The following CDC16 variants were observed in gnomAD, a reference collection of about 807,000 sequenced individuals.
The protein encoded by CDC16 is cell division cycle protein 16 homolog.
A neutral mutation model predicts 87.0 loss-of-function variants in CDC16; 34 were observed. That is an observed-to-expected ratio of 0.39 (90% CI 0.30 to 0.52). CDC16 has a LOEUF of 0.52. CDC16 is among the 20% of genes least tolerant of loss of function. The pLI is 0.74. For missense variants in CDC16, 653 were observed against 751.9 expected, an observed-to-expected ratio of 0.87 and a Z score of 1.54; for synonymous variants, 263 against 260.6, an observed-to-expected ratio of 1.01 and a Z score of -0.09.
chr13:114,258,426 A>G (rs2082640151), intron 13 of CDC16, among the ~76,000 whole-genome samples: 1 of 152,154 alleles, frequency 6.6e-6, no homozygotes, highest in Non-Finnish European at 1.5e-5. Flanking sequence ...CTTGTGGTCT[A>G]TTTAGTGCCA....
At position 114,272,244 on chromosome 13, in the gene CDC16, TAAA is replaced by T. The variant is rs2139251388; in HGVS notation, c.1668_1670del (p.Lys556del). On this transcript the variant is annotated inframe_deletion, in exon 18 of 18. Transcript: ENST00000356221. ...TTTGATGTGCATACAATGAAGACACTAAAAAACATTATTTCACCTCCGTGGGAT... is the reference window on the plus strand; with the variant it reads ...TTTGATGTGCATACAATGAAGACACTAAACATTATTTCACCTCCGTGGGAT... 1 of 1,611,098 alleles carries T rather than the reference TAAA, an allele frequency of 6.2e-7. No homozygotes were observed. Among genetic ancestry groups the T allele is most frequent in the Non-Finnish European group, 8.5e-7 (1 of 1,177,490 alleles).
chr13:114,256,371 TTTGAG>T (rs2082497309), intron 12 of CDC16, among the ~76,000 whole-genome samples: 1 of 152,220 alleles, frequency 6.6e-6, no homozygotes, highest in East Asian at 1.9e-4. Flanking sequence ...ATAATCTTAA[TTTGAG>T]TTATGACTCT....
intron 3 of CDC16, among the ~76,000 whole-genome samples, chr13:114,237,922 A>G (rs2081334962): frequency 6.6e-6 from 1 of 152,170 alleles, no homozygotes; most frequent in Admixed American, 6.5e-5. Flanking sequence ...TCATTCAGTG[A>G]CTTCCCATTA....
In CDC16 at chr13:114,246,060, T is replaced by A; in HGVS notation, c.897+11T>A. ...TATCCTAGTAATCCTGTAAGTAATA[T>A]AACTTTTAGTCTTAGTTTTTTTTTT... On this transcript the variant is annotated intron_variant, in intron 10 of 17. Transcript: ENST00000356221. The A allele has an allele frequency of 7.7e-7, 1 of 1,300,264 alleles. No homozygotes were observed. Among genetic ancestry groups the A allele is most frequent in the Non-Finnish European group, 1.1e-6 (1 of 929,220 alleles). 80.5% of individuals were successfully genotyped at this position (1,300,264 alleles called of 1,614,324 possible). A position where few individuals can be genotyped will look rare whatever the true frequency, so the allele number is the denominator to read the frequency against.
chr13:114,243,444 CT>C, intron 7 of CDC16, 96 bp downstream of exon 7: 1 of 617,856 alleles, frequency 1.6e-6, no homozygotes, highest in Non-Finnish European at 2.9e-6. Context: ...AAAATTAAAA[CT>C]TTTTAAATTT....
At chr13:114,237,955 A>G (rs1016637927) in intron 3 of CDC16, among the ~76,000 whole-genome samples, 3 of 152,222 alleles carry the variant, frequency 2.0e-5, no homozygotes, top group African/African-American at 7.2e-5. Context: ...AGTCAGATGC[A>G]TCAGTAGGTC....
At chr13:114,244,784 C>A (rs781731309) in intron 8 of CDC16, 106 bp from the exon 9 acceptor site, 9 of 623,666 alleles carry the variant, frequency 1.4e-5, no homozygotes, top group South Asian at 4.6e-5. Context: ...TGTTACAACC[C>A]ACAGCATCAT....
At chr13:114,242,367 A>G (rs1021839363) in intron 6 of CDC16, 87 bp downstream of exon 6, 48 of 1,204,442 alleles carry the variant, frequency 4.0e-5, no homozygotes, top group Non-Finnish European at 5.8e-5. Context: ...TAAGTCAACA[A>G]CAGGCCACAT....
Position 114,236,972 on chromosome 13 carries a change from A to G in CDC16, c.201+76A>G, listed in dbSNP as rs772711052. On this transcript the variant is annotated intron_variant, in intron 3 of 17. Transcript: ENST00000356221. ...CATTAGTGGCCGGGCGCGGTGGCTT[A>G]CACCTGTAATCCCAGCGCTTTGGAA... 1.4e-4 allele frequency: 131 copies of G among 919,220 alleles called. No individual in the cohort carries two copies. In the African/African-American group the frequency reaches 1.9e-3, roughly 14 times the overall value. The allele number at this position is 919,220 out of a possible 1,614,324, so 56.9% of individuals were successfully genotyped here. A position where few individuals can be genotyped will look rare whatever the true frequency, so the allele number is the denominator to read the frequency against.
chr13:114,247,569 A>G (rs938270352), intron 11 of CDC16, among the ~76,000 whole-genome samples: 12 of 152,048 alleles, frequency 7.9e-5, no homozygotes, highest in African/African-American at 2.2e-4. Flanking sequence ...GGGAACCTAC[A>G]TATTTTATTT....
intron 12 of CDC16, among the ~76,000 whole-genome samples, chr13:114,250,970 T>C (rs1814036384): frequency 6.6e-6 from 1 of 152,152 alleles, no homozygotes; most frequent in African/African-American, 2.4e-5. Context: ...AGAATAAAAA[T>C]ATTCACGAGC....
At chr13:114,259,305 A>G in intron 13 of CDC16, 30 bp from the exon 14 acceptor site, 1 of 1,539,480 alleles carries the variant, frequency 6.5e-7, no homozygotes, top group South Asian at 1.2e-5. Context: ...AATTTCGAAT[A>G]ATCTGCAACC....
chr13:114,241,585 T>C (rs1306062044), intron 5 of CDC16, among the ~76,000 whole-genome samples: 1 of 152,226 alleles, frequency 6.6e-6, no homozygotes, highest in African/African-American at 2.4e-5. Flanking sequence ...GTACTTTTGT[T>C]ATAAAGATGT....
At chr13:114,267,333 A>G (rs550008588) in intron 17 of CDC16, among the ~76,000 whole-genome samples, 57 of 136,222 alleles carry the variant, frequency 4.2e-4, no homozygotes, top group Admixed American at 6.3e-4. Flanking sequence ...ACTAAAAAAC[A>G]AAACAATACA....
Position 114,243,944 on chromosome 13 carries a change from A to T in CDC16, c.722A>T (p.His241Leu). The change falls in exon 8 of 18, where the codon CAT becomes CTT. Residue 241 changes from histidine (H) to leucine (L), a missense_variant. Transcript: ENST00000356221. ...LDVVVSLAERHYYNCDFKMCY... is the reference protein window; with the variant it reads ...LDVVVSLAERLYYNCDFKMCY... The stretch of plus-strand genomic sequence containing the variant: ...GTGGTAGTGTCTTTAGCTGAGAGAC[A>T]TTATTATAACTGTGATTTTAAAATG... The T allele has an allele frequency of 6.2e-7, 1 of 1,606,228 alleles. No individual in the cohort carries two copies. Among genetic ancestry groups the T allele is most frequent in the Non-Finnish European group, 8.5e-7 (1 of 1,173,080 alleles).
chr13:114,254,743 A>G (rs2082395438), intron 12 of CDC16, among the ~76,000 whole-genome samples: 1 of 152,172 alleles, frequency 6.6e-6, no homozygotes, highest in South Asian at 2.1e-4. Flanking sequence ...CTCCCCAACC[A>G]TCTAAATGGG....
Position 114,272,616 on chromosome 13 carries a change from T to G in CDC16, c.*173T>G, listed in dbSNP as rs2083759938. The G allele has an allele frequency of 5.6e-6, 3 of 534,266 alleles. No homozygotes were observed. Among genetic ancestry groups the G allele is most frequent in the Non-Finnish European group, 9.8e-6 (3 of 306,362 alleles). 33.1% of individuals were successfully genotyped at this position (534,266 alleles called of 1,614,324 possible). On this transcript the variant is annotated 3_prime_UTR_variant, in exon 18 of 18. Transcript: ENST00000356221. ...ATCGCACACCTTTGCAACAGATGTG[T>G]TCTGATTCTCTGAACCTACAAAATA...
At position 114,261,878 on chromosome 13, in the gene CDC16, A is replaced by G. The variant is rs200837010; in HGVS notation, c.1315-9A>G. ...TATAACTCGTGGGCTTGATGTTGCTATGTTTTAGGTAACAGTTGACAAATG... is the reference window on the plus strand; with the variant it reads ...TATAACTCGTGGGCTTGATGTTGCTGTGTTTTAGGTAACAGTTGACAAATG... On this transcript the variant is annotated splice_polypyrimidine_tract_variant and intron_variant, in intron 14 of 17. Coordinates refer to ENST00000356221, the MANE Select transcript of CDC16 (RefSeq NM_001078645.3). The G allele has an allele frequency of 9.4e-5, 150 of 1,591,564 alleles. 1 individual carries two copies. The Admixed American group carries it at 1.9e-3, about 20-fold the overall frequency.
chr13:114,268,966 T>C (rs770468610), intron 17 of CDC16, among the ~76,000 whole-genome samples: 19 of 152,220 alleles, frequency 1.2e-4, no homozygotes, highest in African/African-American at 2.2e-4. Flanking sequence ...GTAAAGCCTC[T>C]TTGGAAAACT....
Sources: allele counts gnomAD v4.1 joint callset (sites outside exome capture counted in the v4.1 genomes callset), GRCh38; gene constraint gnomAD v4.1.1; transcripts MANE v1.5; gene names NCBI Gene and HGNC (gene_info 2026-07-23, HGNC 2026-07-21).